ELK4: variants seen among roughly 807,000 people sequenced by gnomAD.
The protein encoded by ELK4 is ETS transcription factor ELK4.
In ELK4, 16 loss-of-function variants were observed where a neutral mutation model predicts 29.6. That is an observed-to-expected ratio of 0.54 (90% CI 0.37 to 0.82). ELK4 has a LOEUF of 0.82. Among genes scored for constraint, ELK4 ranks in the 40% least tolerant of loss-of-function variants. The pLI, the probability that ELK4 is intolerant of heterozygous loss-of-function variation, is 0.00. For missense variants in ELK4, 465 were observed against 507.1 expected (o/e 0.92, Z 0.80); for synonymous variants, 213 against 191.1 (o/e 1.11, Z -0.95).
Position 205,620,707 on chromosome 1 carries a change from G to A in ELK4, c.339C>T (p.Val113=). The A allele has an allele frequency of 6.2e-7, 1 of 1,614,128 alleles. No individual in the cohort carries two copies. Among genetic ancestry groups the A allele is most frequent in the Non-Finnish European group, 8.5e-7 (1 of 1,180,026 alleles). ...GDCESLNFSE[V]SSSSKDVENG... Reference sequence around the variant, plus strand: ...TCTCCACATCTTTGGAACTGCTGCTGACTTCACTGAAGTTTAAACTTTCAC... The same window carrying A: ...TCTCCACATCTTTGGAACTGCTGCTAACTTCACTGAAGTTTAAACTTTCAC... Residue 113 remains valine, a synonymous_variant, in exon 3 of 5, where the codon GTC becomes GTT. Transcript: ENST00000357992.
intron 3 of ELK4, 84 bp from the exon 4 acceptor site, chr1:205,619,157 TA>T: frequency 7.9e-7 from 1 of 1,258,004 alleles, no homozygotes. Flanking sequence ...AACCCAAACC[TA>T]AATATTGCCC....
rs755210267 is a variant in ELK4, at chr1:205,620,509, T to A, written c.537A>T (p.Lys179Asn). 1 of 1,613,950 alleles carries A rather than the reference T, an allele frequency of 6.2e-7. No homozygotes were observed. The highest frequency in any genetic ancestry group is 8.5e-7 in the Non-Finnish European group (1 of 1,180,024). Reference sequence around the variant, plus strand: ...CAGATGGTGTGGGCTCCTGAGGAGATTTTTTCTCTGCCAGTTTCTCGGCTG... The same window carrying A: ...CAGATGGTGTGGGCTCCTGAGGAGAATTTTTCTCTGCCAGTTTCTCGGCTG... ...ENPAEKLAEK[K>N]SPQEPTPSVI... Residue 179 changes from lysine to asparagine, a missense_variant, in exon 3 of 5, where the codon AAA becomes AAT. Lys to Asn is a moderately conservative substitution (Grantham distance 94). This residue lies in a region of ELK4 where 385 missense variants were observed against 387.5 expected (regional missense o/e 0.99). Coordinates refer to ENST00000357992, the MANE Select transcript of ELK4 (RefSeq NM_001973.4).
At chr1:205,617,849 T>C (rs1571496299) in intron 4 of ELK4, among the ~76,000 whole-genome samples, 1 of 152,066 alleles carries the variant, frequency 6.6e-6, no homozygotes, top group African/African-American at 2.4e-5. Context: ...TGCAGTGAGC[T>C]GAGATCGTGC....
intron 2 of ELK4, among the ~76,000 whole-genome samples, chr1:205,621,808 C>T (rs576914421): frequency 7.2e-5 from 11 of 152,078 alleles, no homozygotes; most frequent in African/African-American, 2.6e-4. Context: ...CGTGAGCCAC[C>T]GCGCCCGGCT....
At position 205,620,630 on chromosome 1, in the gene ELK4, T is replaced by C. The variant is rs761723626; in HGVS notation, c.416A>G (p.Asn139Ser). The change falls in exon 3 of 5, where the codon AAT (asparagine) becomes AGT (serine). Residue 139 changes from asparagine to serine, a missense_variant. Physicochemically the swap from Asn to Ser is conservative, Grantham distance 46 (BLOSUM62 1). This residue lies in a region of ELK4 where 385 missense variants were observed against 387.5 expected (regional missense o/e 0.99). Transcript: ENST00000357992. Reference protein sequence around the residue: ...PQPGAKTSSRNDYIHSGLYSS... With the variant: ...PQPGAKTSSRSDYIHSGLYSS... Reference sequence around the variant, plus strand: ...ATATAAGCCAGAGTGTATGTAGTCATTGCGGCTAGAGGTCTTGGCACCAGG... The same window carrying C: ...ATATAAGCCAGAGTGTATGTAGTCACTGCGGCTAGAGGTCTTGGCACCAGG... The C allele has an allele frequency of 6.2e-6, 10 of 1,614,182 alleles. No homozygotes were observed. Among genetic ancestry groups the C allele is most frequent in the Non-Finnish European group, 7.6e-6 (9 of 1,180,020 alleles).
At chr1:205,629,881 T>A (rs1485546004) in intron 1 of ELK4, among the ~76,000 whole-genome samples, 1 of 152,046 alleles carries the variant, frequency 6.6e-6, no homozygotes, top group Non-Finnish European at 1.5e-5. Context: ...GTTGAAACCC[T>A]GTCTTTACCA....
rs190546616 is a variant in ELK4 at position 205,623,697 on chromosome 1, G to C, written c.186C>G (p.Ala62=). The change falls in exon 2 of 5, where the codon GCC becomes GCG. Residue 62 remains alanine (A), a synonymous_variant. Transcript: ENST00000357992. The part of the protein sequence containing the change: ...PNMNYDKLSR[A]LRYYYVKNII... Reference sequence around the variant, plus strand: ...CTACCTTTACATAATAGTATCTGAGGGCTCGGCTGAGTTTGTCATAATTCA... The same window carrying C: ...CTACCTTTACATAATAGTATCTGAGCGCTCGGCTGAGTTTGTCATAATTCA... 7.0e-5 allele frequency: 113 copies of C among 1,614,062 alleles called. No homozygotes were observed. The East Asian group carries it at 2.3e-3, about 33-fold the overall frequency.
intron 2 of ELK4, 23 bp from the exon 3 acceptor site, chr1:205,620,861 T>C: frequency 1.3e-6 from 2 of 1,572,282 alleles, no homozygotes; most frequent in Non-Finnish European, 1.7e-6. Flanking sequence ...AAAAAAAGCA[T>C]TTTTATCCTT....
chr1:205,619,936 T>G (rs773513586), intron 3 of ELK4, 30 bp downstream of exon 3: 31 of 1,614,132 alleles, frequency 1.9e-5, no homozygotes, highest in Admixed American at 3.3e-5. Context: ...ATGAAAGCAA[T>G]GGTGACACCA....
intron 4 of ELK4, among the ~76,000 whole-genome samples, chr1:205,617,409 A>G (rs921434573): frequency 1.3e-5 from 2 of 152,196 alleles, no homozygotes; most frequent in African/African-American, 4.8e-5. Context: ...TCTTTAAGTT[A>G]TAACATCTAA....
rs545511970 is a variant in ELK4 at position 205,626,215 on chromosome 1, G to C, written c.-9-2324C>G. ...TACAGAGAGGTGGCCTCCCTTTCTT[G>C]ACCTCCTCCTCCAAGCTCAAACACC... is the stretch of plus-strand genomic sequence containing the variant. On this transcript the variant is annotated intron_variant, in intron 1 of 4. Transcript: ENST00000357992. 133 of 560,706 alleles carry C rather than the reference G, an allele frequency of 2.4e-4. 1 individual carries two copies. The African/African-American group carries it at 2.4e-3, about 10-fold the overall frequency. The allele number at this position is 560,706 out of a possible 1,614,324, so 34.7% of individuals were successfully genotyped here.
chr1:205,619,309 A>C (rs923869985), intron 3 of ELK4: 2 of 1,041,948 alleles, frequency 1.9e-6, no homozygotes, highest in Non-Finnish European at 1.2e-6. Context: ...TTTTGGGGGT[A>C]CAAGTGGTTT....
In ELK4 at chr1:205,625,972, C is replaced by T. The variant is rs1025913453; in HGVS notation, c.-9-2081G>A. ...GATTACAGGCATAAGCCACTGCGCC[C>T]GGCCCAGTTCTACTTCTTGATCCAG... On this transcript the variant is annotated intron_variant, in intron 1 of 4. Coordinates refer to ENST00000357992, the MANE Select transcript of ELK4 (RefSeq NM_001973.4). The T allele has an allele frequency of 1.2e-5, 13 of 1,089,172 alleles. No homozygotes were observed. In the East Asian group the frequency reaches 1.7e-4, roughly 14 times the overall value. The allele number at this position is 1,089,172 out of a possible 1,614,324, so 67.5% of individuals were successfully genotyped here. A position where few individuals can be genotyped will look rare whatever the true frequency, so the allele number is the denominator to read the frequency against.
intron 1 of ELK4, 146 bp from the exon 2 acceptor site, chr1:205,624,037 C>T (rs928422948): frequency 6.8e-6 from 5 of 733,034 alleles, no homozygotes; most frequent in Non-Finnish European, 1.1e-5. Context: ...CCTCATTTTA[C>T]GTAAGAAAAA....
intron 1 of ELK4, 25 bp downstream of exon 1, chr1:205,631,607 G>A (rs545312646): frequency 9.1e-6 from 2 of 220,498 alleles, no homozygotes; most frequent in East Asian, 1.7e-4. Flanking sequence ...AGATCCCGAG[G>A]GGGCGCGCGG....
intron 1 of ELK4, chr1:205,625,781 C>T (rs193002381): frequency 3.0e-5 from 19 of 630,924 alleles, no homozygotes; most frequent in Non-Finnish European, 4.6e-5. Context: ...TGGGTTCAAG[C>T]GATTCTCCTG....
rs1670135077 is a variant in ELK4, at chr1:205,610,449, T to C, written c.*6097A>G. 1 of 230,288 alleles carries C rather than the reference T, an allele frequency of 4.3e-6. No individual in the cohort carries two copies. Among genetic ancestry groups the C allele is most frequent in the African/African-American group, 2.2e-5 (1 of 45,200 alleles). The allele number at this position is 230,288 out of a possible 1,614,324, so 14.3% of individuals were successfully genotyped here. A position where few individuals can be genotyped will look rare whatever the true frequency, so the allele number is the denominator to read the frequency against. ...AATACTGCTTCCAGTATAAACCTCC[T>C]CTTTGAGAAACTTACAAACTAATAA... On this transcript the variant is annotated 3_prime_UTR_variant, in exon 5 of 5. Coordinates refer to ENST00000357992, the MANE Select transcript of ELK4 (RefSeq NM_001973.4).
intron 2 of ELK4, 95 bp downstream of exon 2, chr1:205,623,581 C>G: frequency 1.4e-6 from 2 of 1,410,646 alleles, no homozygotes; most frequent in Non-Finnish European, 2.0e-6. Flanking sequence ...TCCCAAAGTG[C>G]TGGGATTACA....
In ELK4 at chr1:205,610,607, T is replaced by C. The variant is rs1466389702; in HGVS notation, c.*5939A>G. On this transcript the variant is annotated 3_prime_UTR_variant, in exon 5 of 5. Transcript: ENST00000357992. ...GAGTATGTCACATGTAAGCAGTGTA[T>C]TTCTAAAATGTTGGTGAGCAATTCA... The C allele has an allele frequency of 4.3e-6, 1 of 230,490 alleles. No homozygotes were observed. The highest frequency in any genetic ancestry group is 8.6e-6 in the Non-Finnish European group (1 of 116,426). The allele number at this position is 230,490 out of a possible 1,614,324, so 14.3% of individuals were successfully genotyped here.
Sources: gnomAD v4.1 joint callset for allele counts (sites outside exome capture counted in the v4.1 genomes callset) on GRCh38, gnomAD v4.1.1 for gene constraint, gnomAD v4.1.1 regional missense constraint, MANE v1.5 for transcripts, NCBI Gene and HGNC (gene_info 2026-07-23, HGNC 2026-07-21) for gene names.